Variants in MICU1 observed in about 807,000 individuals in gnomAD.
MICU1 encodes the protein calcium uptake protein 1, mitochondrial.
In MICU1, 45 loss-of-function variants were observed where a neutral mutation model predicts 56.8. The observed-to-expected ratio is 0.79, with a 90% confidence interval of 0.62 to 1.02. The LOEUF is 1.02. Among genes scored for constraint, MICU1 ranks in the 50% least tolerant of loss-of-function variants. The probability of loss-of-function intolerance (pLI) is 0.00; values close to 1 mark genes in which losing one functional copy is unlikely to be tolerated. For synonymous variants in MICU1, 186 were observed against 195.1 expected (o/e 0.95, Z 0.39); for missense variants, 504 against 587.1 (o/e 0.86, Z 1.46).
At chr10:72,403,906 C>T (rs987151280) in intron 10 of MICU1, among the ~76,000 whole-genome samples, 1 of 151,950 alleles carries the variant, frequency 6.6e-6, no homozygotes, top group Non-Finnish European at 1.5e-5. Context: ...CCGCCCACCT[C>T]AGCCTCCCAA....
At chr10:72,570,169 T>C (rs1840572450) in intron 1 of MICU1, among the ~76,000 whole-genome samples, 1 of 152,200 alleles carries the variant, frequency 6.6e-6, no homozygotes, top group African/African-American at 2.4e-5. Flanking sequence ...GGTCTCGAAC[T>C]CCTGACCTCA....
At chr10:72,459,206 CTA>C (rs1378230015) in intron 8 of MICU1, among the ~76,000 whole-genome samples, 2 of 152,126 alleles carry the variant, frequency 1.3e-5, no homozygotes, top group South Asian at 2.1e-4. Context: ...TGGCGCATGT[CTA>C]TAGTCTCAAC....
chr10:72,566,039 C>CTTTTTTTTTTTTTTTTTTTTTTT (rs11376019), intron 2 of MICU1, among the ~76,000 whole-genome samples: 1 of 69,838 alleles, frequency 1.4e-5, no homozygotes. Flanking sequence ...CATTCATTTT[C>CTTTTTTTTTTTTTTTTTTTTTTT]TTTTTTTTTT....
intron 9 of MICU1, among the ~76,000 whole-genome samples, chr10:72,414,709 CA>C (rs1046945414): frequency 6.6e-6 from 1 of 151,958 alleles, no homozygotes; most frequent in Non-Finnish European, 1.5e-5. Flanking sequence ...AATTATACCT[CA>C]AAAAAAGTTG....
chr10:72,592,435 T>A (rs904925221), intron 1 of MICU1, among the ~76,000 whole-genome samples: 6 of 152,150 alleles, frequency 3.9e-5, no homozygotes, highest in African/African-American at 1.4e-4. Context: ...CTAAGAACAT[T>A]TCCACAAGAT....
At chr10:72,617,866 T>G (rs1220278824) in intron 1 of MICU1, among the ~76,000 whole-genome samples, 1 of 151,952 alleles carries the variant, frequency 6.6e-6, no homozygotes, top group Non-Finnish European at 1.5e-5. Flanking sequence ...AGCTAGAATC[T>G]GTTAAAATGT....
chr10:72,604,736 A>G (rs1589384058), intron 1 of MICU1, among the ~76,000 whole-genome samples: 1 of 152,172 alleles, frequency 6.6e-6, no homozygotes, highest in Admixed American at 6.5e-5. Flanking sequence ...ATAGGTAAAT[A>G]TGTGTTGCTG....
intron 4 of MICU1, among the ~76,000 whole-genome samples, chr10:72,543,522 A>G (rs1284546930): frequency 2.0e-5 from 3 of 151,810 alleles, no homozygotes; most frequent in South Asian, 2.1e-4. Flanking sequence ...AATCAAATCA[A>G]TCCATCAATC....
Position 72,585,180 on chromosome 10 carries a change from C to T in MICU1, c.-1-18386G>A, listed in dbSNP as rs549466825. On this transcript the variant is annotated intron_variant, in intron 1 of 11. Coordinates refer to ENST00000361114, the MANE Select transcript of MICU1 (RefSeq NM_001195518.2). The stretch of plus-strand genomic sequence containing the variant: ...TTCACTCACTGCAACCTCCACCTCC[C>T]GGTTCAAGCGATTCTCACCCCTCAG... Among the ~76,000 whole-genome samples the T allele has an allele frequency of 4.0e-5, 6 of 151,554 alleles. No homozygotes were observed. The South Asian group carries it at 6.3e-4, about 16-fold the overall frequency.
intron 7 of MICU1, among the ~76,000 whole-genome samples, chr10:72,476,246 A>G (rs1866118041): frequency 6.6e-6 from 1 of 151,338 alleles, no homozygotes; most frequent in South Asian, 2.1e-4. Context: ...AAAAAAAAAA[A>G]AGAGACAGGG....
intron 1 of MICU1, among the ~76,000 whole-genome samples, chr10:72,591,238 G>A (rs959125420): frequency 2.6e-5 from 4 of 151,890 alleles, no homozygotes; most frequent in African/African-American, 9.7e-5. Flanking sequence ...GTGCTAAGGG[G>A]GAAATTTAAA....
intron 5 of MICU1, among the ~76,000 whole-genome samples, chr10:72,526,145 A>G (rs1156424985): frequency 6.6e-6 from 1 of 152,200 alleles, no homozygotes; most frequent in East Asian, 1.9e-4. Flanking sequence ...AGGAGCTAAA[A>G]CTGAGTAAAT....
At chr10:72,502,954 A>G (rs569238553) in intron 6 of MICU1, 104 of 166,932 alleles carry the variant, frequency 6.2e-4, no homozygotes, top group African/African-American at 2.5e-3. Context: ...AAGAAGCAGC[A>G]CTGAAGTTAC....
chr10:72,466,021 T>C (rs966535532), intron 8 of MICU1, among the ~76,000 whole-genome samples: 3 of 152,206 alleles, frequency 2.0e-5, no homozygotes, highest in Non-Finnish European at 4.4e-5. Flanking sequence ...CCATTCCTTA[T>C]TAAGTTGAGA....
chr10:72,479,108 G>T (rs1866210773), intron 6 of MICU1, among the ~76,000 whole-genome samples: 1 of 152,154 alleles, frequency 6.6e-6, no homozygotes, highest in Admixed American at 6.5e-5. Context: ...TCTCAATCTT[G>T]AAAACTTTCA....
At chr10:72,402,761 C>T (rs775611613) in intron 10 of MICU1, among the ~76,000 whole-genome samples, 3 of 152,026 alleles carry the variant, frequency 2.0e-5, no homozygotes, top group Non-Finnish European at 2.9e-5. Context: ...AAAGGAAGTT[C>T]GGCTGGGCGG....
At position 72,367,958 on chromosome 10, in the gene MICU1, C is replaced by A; in HGVS notation, c.*237G>T. The A allele has an allele frequency of 2.2e-6, 1 of 451,962 alleles. No individual in the cohort carries two copies. The allele number at this position is 451,962 out of a possible 1,614,324, so 28.0% of individuals were successfully genotyped here. On this transcript the variant is annotated 3_prime_UTR_variant, in exon 12 of 12. Transcript: ENST00000361114. ...CTGTTGAGGCTGACAAATGTCTGAG[C>A]TTTACAGACTTGTTCATGTTTTTGA...
At chr10:72,514,777 T>A (rs183327505) in intron 5 of MICU1, among the ~76,000 whole-genome samples, 1 of 152,332 alleles carries the variant, frequency 6.6e-6, no homozygotes, top group East Asian at 1.9e-4. Context: ...CAGCCAGACA[T>A]GAAAGCTCAG....
At chr10:72,463,592 TAC>T (rs1865702483) in intron 8 of MICU1, among the ~76,000 whole-genome samples, 1 of 152,236 alleles carries the variant, frequency 6.6e-6, no homozygotes, top group African/African-American at 2.4e-5. Flanking sequence ...ATGGAGATTC[TAC>T]CATATACAGT....
Sources: allele counts gnomAD v4.1 joint callset (sites outside exome capture counted in the v4.1 genomes callset), GRCh38; gene constraint gnomAD v4.1.1; transcripts MANE v1.5; gene names NCBI Gene and HGNC (gene_info 2026-07-23, HGNC 2026-07-21).